ZNF382: variants seen among roughly 807,000 people sequenced by gnomAD.
ZNF382 encodes the protein zinc finger protein 382.
Under a neutral mutation model 38.8 loss-of-function variants are expected in ZNF382, and 20 were observed. The ratio of observed to expected loss-of-function variants is 0.51; its 90% CI spans 0.36 to 0.75. The LOEUF (loss-of-function observed/expected upper bound fraction) is 0.75, where lower values mean the gene tolerates loss of function less well. ZNF382 is among the 30% of genes least tolerant of loss of function. The probability of loss-of-function intolerance (pLI) is 0.00; values close to 1 mark genes in which losing one functional copy is unlikely to be tolerated. For missense variants in ZNF382, 546 were observed against 654.1 expected, an observed-to-expected ratio of 0.83 and a Z score of 1.80; for synonymous variants, 202 against 223.1, an observed-to-expected ratio of 0.91 and a Z score of 0.84.
chr19:36,614,880 C>CTTCCTTTCCT (rs376641731), intron 4 of ZNF382, among the ~76,000 whole-genome samples: 936 of 89,832 alleles, frequency 0.01, 46 homozygotes, highest in Admixed American at 0.04. Context: ...TTCTTTCTTT[C>CTTCCTTTCCT]TTCCTTTCCT....
intron 4 of ZNF382, among the ~76,000 whole-genome samples, chr19:36,615,084 A>T (rs1373521961): frequency 6.7e-6 from 1 of 149,906 alleles, no homozygotes; most frequent in Non-Finnish European, 1.5e-5. Flanking sequence ...CCGGGTTCAA[A>T]TGATTCTTGT....
Position 36,627,805 on chromosome 19 carries a change from G to T in ZNF382, c.*255G>T. ...AGCAGACAAAAACTTCCTCTGTCAA[G>T]GTGTTATAAACATTTAAAATCACAT... On this transcript the variant is annotated 3_prime_UTR_variant, in exon 5 of 5. Transcript: ENST00000292928. 1 of 391,150 alleles carries T rather than the reference G, an allele frequency of 2.6e-6. No homozygotes were observed. Among genetic ancestry groups the T allele is most frequent in the Non-Finnish European group, 4.6e-6 (1 of 216,212 alleles). The allele number at this position is 391,150 out of a possible 1,614,324, so 24.2% of individuals were successfully genotyped here.
At chr19:36,616,760 C>A (rs977417044) in intron 4 of ZNF382, among the ~76,000 whole-genome samples, 1 of 152,166 alleles carries the variant, frequency 6.6e-6, no homozygotes, top group African/African-American at 2.4e-5. Flanking sequence ...AATAAAATAT[C>A]CACTTTGTTT....
intron 4 of ZNF382, among the ~76,000 whole-genome samples, chr19:36,621,219 T>G (rs758026207): frequency 4.6e-5 from 7 of 152,104 alleles, no homozygotes; most frequent in Non-Finnish European, 1.0e-4. Context: ...TCTTTACATC[T>G]TCTTATATTC....
chr19:36,614,947 C>CCCTTTCCCTTTT (rs2037112881), intron 4 of ZNF382, among the ~76,000 whole-genome samples: 1 of 138,306 alleles, frequency 7.2e-6, no homozygotes, highest in Non-Finnish European at 1.5e-5. Flanking sequence ...CTTTCCCTTT[C>CCCTTTCCCTTTT]CCTTTCCCTT....
intron 4 of ZNF382, among the ~76,000 whole-genome samples, chr19:36,623,560 C>T (rs555795576): frequency 1.3e-5 from 2 of 152,140 alleles, no homozygotes; most frequent in African/African-American, 2.4e-5. Context: ...GAGGCCAGGG[C>T]AGGTGGATCA....
At chr19:36,619,104 T>C (rs2037148651) in intron 4 of ZNF382, among the ~76,000 whole-genome samples, 1 of 152,228 alleles carries the variant, frequency 6.6e-6, no homozygotes, top group Non-Finnish European at 1.5e-5. Context: ...CTTAGACATA[T>C]TTAAAATCTT....
rs1271194007 is a variant in ZNF382 at position 36,627,286 on chromosome 19, C to A, written c.1389C>A (p.Pro463=). 10 of 1,613,890 alleles carry A rather than the reference C, an allele frequency of 6.2e-6. No homozygotes were observed. The highest frequency in any genetic ancestry group is 1.1e-5 in the South Asian group (1 of 91,068). ...AGAGAATTCACACGGGGGAAAAACCCTATATTTGTAATGAATGTGGGAAGT... is the reference window on the plus strand; with the variant it reads ...AGAGAATTCACACGGGGGAAAAACCATATATTTGTAATGAATGTGGGAAGT... ...LHQRIHTGEK[P]YICNECGKSF... Residue 463 remains proline (P), a synonymous_variant, in exon 5 of 5, where the codon CCC becomes CCA. Coordinates refer to ENST00000292928, the MANE Select transcript of ZNF382 (RefSeq NM_032825.5).
chr19:36,627,702 A>C lies in ZNF382; in HGVS notation c.*152A>C. 1 of 569,764 alleles carries C rather than the reference A, an allele frequency of 1.8e-6. No homozygotes were observed. Among genetic ancestry groups the C allele is most frequent in the South Asian group, 2.6e-5 (1 of 38,616 alleles). 35.3% of individuals were successfully genotyped at this position (569,764 alleles called of 1,614,324 possible). A position where few individuals can be genotyped will look rare whatever the true frequency, so the allele number is the denominator to read the frequency against. Reference sequence around the variant, plus strand: ...GTAAAACACACACACACACACACACACACACACAAATATTATTAGACAAAT... The same window carrying C: ...GTAAAACACACACACACACACACACCCACACACAAATATTATTAGACAAAT... On this transcript the variant is annotated 3_prime_UTR_variant, in exon 5 of 5. Transcript: ENST00000292928.
chr19:36,627,727 T>C lies in ZNF382; in HGVS notation c.*177T>C. 1 of 502,114 alleles carries C rather than the reference T, an allele frequency of 2.0e-6. No homozygotes were observed. The highest frequency in any genetic ancestry group is 3.4e-6 in the Non-Finnish European group (1 of 290,608). 31.1% of individuals were successfully genotyped at this position (502,114 alleles called of 1,614,324 possible). A position where few individuals can be genotyped will look rare whatever the true frequency, so the allele number is the denominator to read the frequency against. On this transcript the variant is annotated 3_prime_UTR_variant, in exon 5 of 5. Transcript: ENST00000292928. ...ACACACACAAATATTATTAGACAAA[T>C]TAGATGACAAAAATCATTAAGAAGT...
chr19:36,610,083 C>T (rs747098248), intron 3 of ZNF382, 30 bp downstream of exon 3: 23 of 1,607,002 alleles, frequency 1.4e-5, no homozygotes, highest in Non-Finnish European at 2.0e-5. Flanking sequence ...CTTTCACTGT[C>T]ATGCATCTCC....
chr19:36,626,718 G>A lies in ZNF382; in HGVS notation c.821G>A (p.Gly274Glu), dbSNP rs2037216833. The stretch of plus-strand genomic sequence containing the variant: ...AAGCCCTCTGCCTACAACAAATATG[G>A]GAAATTCCTCTGCAGAAAGCCTGTT... ...EKKPSAYNKY[G>E]KFLCRKPVFI... Residue 274 changes from glycine to glutamate, a missense_variant, in exon 5 of 5, where the codon GGG becomes GAG. Transcript: ENST00000292928. 4 of 1,613,912 alleles carry A rather than the reference G, an allele frequency of 2.5e-6. No individual in the cohort carries two copies. Among genetic ancestry groups the A allele is most frequent in the Non-Finnish European group, 3.4e-6 (4 of 1,180,038 alleles).
intron 4 of ZNF382, among the ~76,000 whole-genome samples, chr19:36,613,130 G>A (rs1208556106): frequency 1.3e-5 from 2 of 152,068 alleles, no homozygotes; most frequent in African/African-American, 4.8e-5. Flanking sequence ...TAGGTAGTAT[G>A]TATTTTTCCT....
rs1185071385 is a variant in ZNF382 at position 36,610,808 on chromosome 19, A to G, written c.232+66A>G. 8 of 1,247,090 alleles carry G rather than the reference A, an allele frequency of 6.4e-6. No homozygotes were observed. In the Admixed American group the frequency reaches 1.5e-4, roughly 23 times the overall value. The allele number at this position is 1,247,090 out of a possible 1,614,324, so 77.3% of individuals were successfully genotyped here. A position where few individuals can be genotyped will look rare whatever the true frequency, so the allele number is the denominator to read the frequency against. The stretch of plus-strand genomic sequence containing the variant: ...GTAGTTGAAGCCTTTGAATGTTTTT[A>G]GGGATCTATTTTTGTTATTGTGGTA... On this transcript the variant is annotated intron_variant, in intron 4 of 4. Transcript: ENST00000292928.
In ZNF382 at chr19:36,619,275, G is replaced by A. The variant is rs2037149730; in HGVS notation, c.233-6855G>A. ...TGATTGATTAAATGCCAGCAGATGG[G>A]AGTTGGCAAGGCTTCTGCCTCAAAG... On this transcript the variant is annotated intron_variant, in intron 4 of 4. Coordinates refer to ENST00000292928, the MANE Select transcript of ZNF382 (RefSeq NM_032825.5). 2.0e-5 allele frequency among the ~76,000 whole-genome samples: 3 copies of A among 152,212 alleles called. No individual in the cohort carries two copies. In the East Asian group the frequency reaches 5.8e-4, roughly 29 times the overall value.
intron 2 of ZNF382, 154 bp downstream of exon 2, chr19:36,607,776 A>G: frequency 2.6e-6 from 2 of 768,804 alleles, no homozygotes; most frequent in South Asian, 3.8e-5. Context: ...GGCAAGTGGC[A>G]TGAGGTGAAA....
In ZNF382 at chr19:36,627,473, G is replaced by A. The variant is rs1311175262; in HGVS notation, c.1576G>A (p.Gly526Arg). The A allele has an allele frequency of 6.2e-7, 1 of 1,614,088 alleles. No homozygotes were observed. Among genetic ancestry groups the A allele is most frequent in the Non-Finnish European group, 8.5e-7 (1 of 1,180,006 alleles). Residue 526 changes from glycine (G) to arginine (R), a missense_variant, in exon 5 of 5, where the codon GGG (glycine) becomes AGG (arginine). Transcript: ENST00000292928. Reference sequence around the variant, plus strand: ...GAAACCATATGAATGTAAACAGTGTGGGAAGTTCTTCAGTTGTAAGTCAAA... The same window carrying A: ...GAAACCATATGAATGTAAACAGTGTAGGAAGTTCTTCAGTTGTAAGTCAAA... ...GEKPYECKQCGKFFSCKSNLI... is the reference protein window; with the variant it reads ...GEKPYECKQCRKFFSCKSNLI...
rs181669885 is a variant in ZNF382, at chr19:36,610,472, A to G, written c.140-178A>G. 214 of 486,686 alleles carry G rather than the reference A, an allele frequency of 4.4e-4. 1 individual carries two copies. Among genetic ancestry groups the G allele is most frequent in the African/African-American group, 3.8e-3 (188 of 49,964 alleles). The allele number at this position is 486,686 out of a possible 1,614,324, so 30.1% of individuals were successfully genotyped here. On this transcript the variant is annotated intron_variant, in intron 3 of 4. Coordinates refer to ENST00000292928, the MANE Select transcript of ZNF382 (RefSeq NM_032825.5). ...CTGTCTCAAAAAAAAAAAAGAAAAGAAAAGGAAAGAAAGAAAAGAAAATAT... is the reference window on the plus strand; with the variant it reads ...CTGTCTCAAAAAAAAAAAAGAAAAGGAAAGGAAAGAAAGAAAAGAAAATAT...
Position 36,627,633 on chromosome 19 carries a change from G to T in ZNF382, c.*83G>T. 9.9e-7 allele frequency: 1 copy of T among 1,008,128 alleles called. No individual in the cohort carries two copies. Among genetic ancestry groups the T allele is most frequent in the South Asian group, 1.6e-5 (1 of 63,950 alleles). The allele number at this position is 1,008,128 out of a possible 1,614,324, so 62.4% of individuals were successfully genotyped here. ...TTGCTTGCAAGCGTAATATCCAACA[G>T]TTTAAGGTACTATACCACATGGTAA... On this transcript the variant is annotated 3_prime_UTR_variant, in exon 5 of 5. Coordinates refer to ENST00000292928, the MANE Select transcript of ZNF382 (RefSeq NM_032825.5).
Sources: allele counts gnomAD v4.1 joint callset (sites outside exome capture counted in the v4.1 genomes callset), GRCh38; gene constraint gnomAD v4.1.1; transcripts MANE v1.5; gene names NCBI Gene and HGNC (gene_info 2026-07-23, HGNC 2026-07-21).